MYO16: variants seen among roughly 807,000 people sequenced by gnomAD.
MYO16 encodes unconventional myosin-XVI.
A neutral mutation model predicts 205.3 loss-of-function variants in MYO16; 94 were observed. The ratio of observed to expected loss-of-function variants is 0.46; its 90% CI spans 0.39 to 0.54. The LOEUF (loss-of-function observed/expected upper bound fraction) is 0.54. Ranked by LOEUF, MYO16 falls within the 20% of genes least tolerant of loss-of-function variation. The pLI is 0.00. For synonymous variants in MYO16, 988 were observed against 954.0 expected, an observed-to-expected ratio of 1.04 and a Z score of -0.66; for missense variants, 2,315 against 2,387.5, an observed-to-expected ratio of 0.97 and a Z score of 0.63.
At chr13:108,554,720 G>C in the MYO16 span, among the ~76,000 whole-genome samples, 2 of 151,646 alleles carry the variant, frequency 1.3e-5, no homozygotes, top group East Asian at 1.9e-4. Context: ...AGTGGTGGCG[G>C]GCGCCTGTAG....
At chr13:108,573,965 C>T in the MYO16 span, among the ~76,000 whole-genome samples, 3 of 152,146 alleles carry the variant, frequency 2.0e-5, no homozygotes, top group Admixed American at 6.5e-5. Flanking sequence ...ATCCTCCCAC[C>T]TCAGCCTCCC....
At chr13:108,717,718 A>G (rs148773699) in intron 3 of MYO16, among the ~76,000 whole-genome samples, 1 of 152,256 alleles carries the variant, frequency 6.6e-6, no homozygotes, top group East Asian at 1.9e-4. Flanking sequence ...GTTACAGAAT[A>G]GTGCATATAG....
chr13:108,681,244 T>G (rs900070184), intron 2 of MYO16, among the ~76,000 whole-genome samples: 2 of 152,214 alleles, frequency 1.3e-5, no homozygotes, highest in Non-Finnish European at 1.5e-5. Flanking sequence ...TAGTTATATT[T>G]GATATTCTCT....
intron 28 of MYO16, among the ~76,000 whole-genome samples, chr13:109,105,672 T>A (rs1889104441): frequency 6.6e-6 from 1 of 152,206 alleles, no homozygotes; most frequent in Admixed American, 6.5e-5. Context: ...TCAAATTAAT[T>A]ATTTTAAACA....
chr13:108,723,979 G>C (rs1041772227), intron 3 of MYO16, among the ~76,000 whole-genome samples: 1 of 151,990 alleles, frequency 6.6e-6, no homozygotes, highest in Non-Finnish European at 1.5e-5. Flanking sequence ...ATTTATTTAG[G>C]TTTAAAAAAT....
At chr13:108,538,799 A>T in the MYO16 span, among the ~76,000 whole-genome samples, 21 of 152,114 alleles carry the variant, frequency 1.4e-4, no homozygotes, top group African/African-American at 4.8e-4. Flanking sequence ...TGAACAAAAA[A>T]TTCTCACATG....
intron 1 of MYO16, among the ~76,000 whole-genome samples, chr13:108,619,179 A>G (rs1164384203): frequency 1.3e-5 from 2 of 152,092 alleles, no homozygotes; most frequent in African/African-American, 4.8e-5. Context: ...CTCAACTAAC[A>G]CTTACATATT....
chr13:108,795,368 C>T (rs2138951170), intron 6 of MYO16, among the ~76,000 whole-genome samples: 1 of 151,978 alleles, frequency 6.6e-6, no homozygotes, highest in East Asian at 1.9e-4. Context: ...GTCACCACGC[C>T]CAGCTAATTT....
At chr13:109,053,261 C>G (rs755333053) in intron 25 of MYO16, among the ~76,000 whole-genome samples, 1 of 151,996 alleles carries the variant, frequency 6.6e-6, no homozygotes, top group Non-Finnish European at 1.5e-5. Flanking sequence ...AAAATAAAAG[C>G]ATAATTAAAT....
In MYO16 at chr13:108,898,049, A is replaced by G; in HGVS notation, c.1693A>G (p.Lys565Glu). Residue 565 changes from lysine to glutamate, a missense_variant, in exon 15 of 35, where the codon AAG (lysine) becomes GAG (glutamate). By Grantham distance (56) the Lys-to-Glu change is moderately conservative. Around this residue, in one of 3 missense-constraint regions of MYO16, gnomAD observed 1,213 missense variants for 1,274.4 expected, o/e 0.95. Coordinates refer to ENST00000457511, the MANE Select transcript of MYO16 (RefSeq NM_001198950.3). ...VCILEAFGHA[K>E]TTLNDLSSCF... ...CATCTTAGAAGCCTTTGGACATGCCAAGACCACACTTAATGATTTGTCCAG... is the reference window on the plus strand; with the variant it reads ...CATCTTAGAAGCCTTTGGACATGCCGAGACCACACTTAATGATTTGTCCAG... 1 of 1,613,964 alleles carries G rather than the reference A, an allele frequency of 6.2e-7. No homozygotes were observed. Among genetic ancestry groups the G allele is most frequent in the East Asian group, 2.2e-5 (1 of 44,896 alleles).
intron 16 of MYO16, among the ~76,000 whole-genome samples, chr13:108,927,679 G>A (rs1308638080): frequency 6.6e-6 from 1 of 152,244 alleles, no homozygotes; most frequent in Non-Finnish European, 1.5e-5. Flanking sequence ...GTGTGAAAAT[G>A]CCAAGCGGAC....
At chr13:109,056,475 A>AGTAAC in intron 27 of MYO16, among the ~76,000 whole-genome samples, 1 of 152,314 alleles carries the variant, frequency 6.6e-6, no homozygotes, top group South Asian at 2.1e-4. Flanking sequence ...GTTGATGGGT[A>AGTAAC]GTAACTTAAT....
chr13:109,099,436 C>T (rs906940293), intron 27 of MYO16, among the ~76,000 whole-genome samples: 3 of 152,074 alleles, frequency 2.0e-5, no homozygotes, highest in Non-Finnish European at 4.4e-5. Flanking sequence ...ATGCGAAAAC[C>T]ACAATTACAT....
chr13:109,196,430 C>A (rs1880156809), intron 34 of MYO16, among the ~76,000 whole-genome samples: 3 of 152,194 alleles, frequency 2.0e-5, no homozygotes, highest in African/African-American at 7.2e-5. Flanking sequence ...GTATCCCAAC[C>A]CATAGGGAAA....
At chr13:108,857,688 G>C (rs1284654106) in intron 11 of MYO16, among the ~76,000 whole-genome samples, 5 of 152,182 alleles carry the variant, frequency 3.3e-5, no homozygotes, top group Non-Finnish European at 5.9e-5. Context: ...TAGCCCATGT[G>C]CAAGAATAGG....
chr13:109,046,576 CA>C (rs1266437356), intron 23 of MYO16, among the ~76,000 whole-genome samples: 2 of 152,130 alleles, frequency 1.3e-5, no homozygotes, highest in Non-Finnish European at 2.9e-5. Context: ...AAAAGTTTCG[CA>C]AGTGTGTTTA....
At chr13:109,139,959 G>A (rs1000518816) in intron 31 of MYO16, among the ~76,000 whole-genome samples, 1 of 151,740 alleles carries the variant, frequency 6.6e-6, no homozygotes, top group Non-Finnish European at 1.5e-5. Flanking sequence ...GGCAAGGGGG[G>A]TGGGTGGGTA....
intron 23 of MYO16, among the ~76,000 whole-genome samples, chr13:109,040,754 A>G (rs150959063): frequency 4.5e-4 from 69 of 152,316 alleles, no homozygotes; most frequent in African/African-American, 1.6e-3. Flanking sequence ...CCTACAGCCA[A>G]TATTATATTT....
chr13:109,035,349 C>T (rs770808016), intron 23 of MYO16, among the ~76,000 whole-genome samples: 25 of 152,092 alleles, frequency 1.6e-4, no homozygotes, highest in Non-Finnish European at 3.1e-4. Context: ...TCAATATCTG[C>T]TCTAATGGCT....
Sources: gnomAD v4.1 joint callset for allele counts (sites outside exome capture counted in the v4.1 genomes callset) on GRCh38, gnomAD v4.1.1 for gene constraint, gnomAD v4.1.1 regional missense constraint, MANE v1.5 for transcripts, NCBI Gene and HGNC (gene_info 2026-07-23, HGNC 2026-07-21) for gene names.